The following TNS3 variants were observed in gnomAD, a reference collection of about 807,000 sequenced individuals.
TNS3 encodes tensin 3.
In TNS3, 45 loss-of-function variants were observed where a neutral mutation model predicts 140.9. The observed-to-expected ratio is 0.32, with a 90% confidence interval of 0.25 to 0.41. The LOEUF (loss-of-function observed/expected upper bound fraction) is 0.41. TNS3 is among the 10% of genes least tolerant of loss of function. TNS3 has a pLI of 1.00. For synonymous variants in TNS3, 815 were observed against 788.4 expected, an observed-to-expected ratio of 1.03 and a Z score of -0.56; for missense variants, 1,716 against 1,906.7, an observed-to-expected ratio of 0.90 and a Z score of 1.86.
At chr7:47,574,765 C>A (rs751562905) in intron 1 of TNS3, among the ~76,000 whole-genome samples, 2 of 151,972 alleles carry the variant, frequency 1.3e-5, no homozygotes, top group African/African-American at 2.4e-5. Context: ...ACAAAAAATA[C>A]AAATACTGTA....
intron 4 of TNS3, among the ~76,000 whole-genome samples, chr7:47,466,514 G>A (rs1457299662): frequency 6.6e-6 from 1 of 152,188 alleles, no homozygotes; most frequent in Non-Finnish European, 1.5e-5. Flanking sequence ...CCACACAGTA[G>A]AATTCCCTCT....
chr7:47,322,516 C>T (rs892922150), intron 20 of TNS3, among the ~76,000 whole-genome samples: 4 of 150,496 alleles, frequency 2.7e-5, no homozygotes, highest in South Asian at 2.1e-4. Context: ...AGTGAGACTC[C>T]GTATCAAACA....
At chr7:47,353,845 T>C (rs1320390427) in intron 17 of TNS3, among the ~76,000 whole-genome samples, 1 of 152,226 alleles carries the variant, frequency 6.6e-6, no homozygotes, top group East Asian at 1.9e-4. Flanking sequence ...CTGGTAAAAC[T>C]GCAGGGGCCA....
chr7:47,474,596 C>T (rs1366146062), intron 4 of TNS3, among the ~76,000 whole-genome samples: 1 of 148,476 alleles, frequency 6.7e-6, no homozygotes, highest in Non-Finnish European at 1.5e-5. Context: ...ACAAGACACA[C>T]CTCACACACA....
chr7:47,305,884 T>C (rs1490225014), intron 20 of TNS3, among the ~76,000 whole-genome samples: 2 of 152,242 alleles, frequency 1.3e-5, no homozygotes, highest in Non-Finnish European at 2.9e-5. Context: ...GTTTCAAAAC[T>C]AATGAGGATT....
In TNS3 at chr7:47,344,400, G is replaced by A. The variant is rs73695316; in HGVS notation, c.2650+355C>T. On this transcript the variant is annotated intron_variant, in intron 20 of 30. Coordinates refer to ENST00000311160, the MANE Select transcript of TNS3 (RefSeq NM_022748.12). ...CTGGGGTGGCAGAGCTGGGGCGCCC[G>A]TGCGGCACAATCCCCACAGAGAACG... Among the ~76,000 whole-genome samples, 364 of 152,284 alleles carry A rather than the reference G, an allele frequency of 2.4e-3. 2 individuals are homozygous for A. Among genetic ancestry groups the A allele is most frequent in the African/African-American group, 8.0e-3 (332 of 41,548 alleles).
At chr7:47,449,381 C>T (rs1189168541) in intron 4 of TNS3, among the ~76,000 whole-genome samples, 1 of 152,220 alleles carries the variant, frequency 6.6e-6, no homozygotes, top group Non-Finnish European at 1.5e-5. Context: ...GTGCCTCCCT[C>T]ACTCCCTGTC....
chr7:47,475,536 G>A lies in TNS3; in HGVS notation c.-76+5567C>T, dbSNP rs867530715. 3.3e-3 allele frequency among the ~76,000 whole-genome samples: 505 copies of A among 152,166 alleles called. 2 individuals carry two copies. The highest frequency in any genetic ancestry group is 0.031 in the Middle Eastern group (9 of 294). On this transcript the variant is annotated intron_variant, in intron 4 of 30. Transcript: ENST00000311160. Reference sequence around the variant, plus strand: ...CTGTAAACAGGCGGCACTTCCCCGGGGGGGGGGCCAGGCCCTCCCTGGACT... The same window carrying A: ...CTGTAAACAGGCGGCACTTCCCCGGAGGGGGGGCCAGGCCCTCCCTGGACT...
chr7:47,468,124 A>C (rs1326037593), intron 4 of TNS3, among the ~76,000 whole-genome samples: 1 of 152,136 alleles, frequency 6.6e-6, no homozygotes, highest in Non-Finnish European at 1.5e-5. Flanking sequence ...AGCCTGGACA[A>C]CACAGTGAAA....
At chr7:47,334,825 T>TCTCTATC (rs1237752504) in intron 20 of TNS3, among the ~76,000 whole-genome samples, 1 of 152,054 alleles carries the variant, frequency 6.6e-6, no homozygotes, top group Non-Finnish European at 1.5e-5. Flanking sequence ...GCCAGGATGG[T>TCTCTATC]CTCTATCTCT....
In TNS3 at chr7:47,303,365, G is replaced by A. The variant is rs1786533345; in HGVS notation, c.3042C>T (p.Pro1014=). 1.2e-6 allele frequency: 2 copies of A among 1,613,582 alleles called. No individual in the cohort carries two copies. Among genetic ancestry groups the A allele is most frequent in the Non-Finnish European group, 1.7e-6 (2 of 1,179,928 alleles). The change falls in exon 22 of 31, where the codon CCC becomes CCT. Residue 1014 remains proline (P), a synonymous_variant. Transcript: ENST00000311160. ...CGAAGCCCAGGAAGGCCTGGCTGCT[G>A]GGAGGCGCCAGGGAGTCCGGTGGCT... ...LAEPPDSLAP[P]SSQAFLGFGT... is the part of the protein sequence containing the mutation.
chr7:47,476,629 G>A (rs183738980), intron 4 of TNS3, among the ~76,000 whole-genome samples: 2 of 152,154 alleles, frequency 1.3e-5, no homozygotes, highest in Admixed American at 6.6e-5. Flanking sequence ...CATTCTGCTC[G>A]ACTCATGGAG....
chr7:47,479,493 C>A (rs569296802), intron 4 of TNS3, among the ~76,000 whole-genome samples: 2 of 151,484 alleles, frequency 1.3e-5, no homozygotes, highest in Admixed American at 6.6e-5. Context: ...CCCCCACCCC[C>A]CCGTCGGCGG....
intron 24 of TNS3, among the ~76,000 whole-genome samples, chr7:47,296,115 T>C (rs2150650380): frequency 6.6e-6 from 1 of 152,068 alleles, no homozygotes; most frequent in South Asian, 2.1e-4. Flanking sequence ...TAGTCTAGTC[T>C]GCAGCATGGT....
intron 9 of TNS3, among the ~76,000 whole-genome samples, chr7:47,426,137 C>T (rs941648279): frequency 3.3e-5 from 5 of 152,072 alleles, no homozygotes; most frequent in Non-Finnish European, 7.4e-5. Flanking sequence ...AAAAAATTAG[C>T]TGGGCATAGT....
rs1427851823 is a variant in TNS3, at chr7:47,476,159, C to T, written c.-76+4944G>A. ...TCTAAGCATGTTATTTCATTCGATC[C>T]TGGCAGTGACCCCAAGAAGAGCTGG... On this transcript the variant is annotated intron_variant, in intron 4 of 30. Transcript: ENST00000311160. 1.3e-5 allele frequency among the ~76,000 whole-genome samples: 2 copies of T among 152,216 alleles called. 1 individual carries two copies. Among genetic ancestry groups the T allele is most frequent in the Admixed American group, 1.3e-4 (2 of 15,288 alleles).
chr7:47,484,925 T>C (rs1042617365), intron 3 of TNS3, among the ~76,000 whole-genome samples: 2 of 152,212 alleles, frequency 1.3e-5, no homozygotes, highest in African/African-American at 4.8e-5. Flanking sequence ...CTAACACTTC[T>C]TTAGCACTTA....
In TNS3 at chr7:47,448,728, C is replaced by T. The variant is rs146281988; in HGVS notation, c.-75-6673G>A. ...CTCCTGACCTCAGGCAATCCACCCA[C>T]CTCGGCTTCCAATGCTGGGATTGCA... On this transcript the variant is annotated intron_variant, in intron 4 of 30. Coordinates refer to ENST00000311160, the MANE Select transcript of TNS3 (RefSeq NM_022748.12). Among the ~76,000 whole-genome samples the T allele has an allele frequency of 1.1e-3, 166 of 152,340 alleles. No homozygotes were observed. In the East Asian group the frequency reaches 0.03, roughly 28 times the overall value.
At chr7:47,519,260 C>A (rs182548849) in intron 2 of TNS3, among the ~76,000 whole-genome samples, 2 of 138,404 alleles carry the variant, frequency 1.4e-5, no homozygotes, top group African/African-American at 2.6e-5. Flanking sequence ...ATATCCCCCC[C>A]CAACACAAGG....
Sources: allele counts gnomAD v4.1 joint callset (sites outside exome capture counted in the v4.1 genomes callset), GRCh38; gene constraint gnomAD v4.1.1; transcripts MANE v1.5; gene names NCBI Gene and HGNC (gene_info 2026-07-23, HGNC 2026-07-21).